The following COPS2 variants were observed in gnomAD, a reference collection of about 807,000 sequenced individuals.
The protein encoded by COPS2 is COP9 signalosome complex subunit 2.
In COPS2, 10 loss-of-function variants were observed where a neutral mutation model predicts 66.1. The ratio of observed to expected loss-of-function variants is 0.15; its 90% CI spans 0.09 to 0.26. The LOEUF is 0.26. COPS2 is among the 10% of genes least tolerant of loss of function. The pLI, the probability that COPS2 is intolerant of heterozygous loss-of-function variation, is 1.00. For missense variants in COPS2, 215 were observed against 513.3 expected, an observed-to-expected ratio of 0.42 and a Z score of 5.62; for synonymous variants, 179 against 171.3, an observed-to-expected ratio of 1.04 and a Z score of -0.35.
At chr15:49,151,470 T>C (rs1024277286) in intron 1 of COPS2, among the ~76,000 whole-genome samples, 9 of 152,092 alleles carry the variant, frequency 5.9e-5, no homozygotes, top group African/African-American at 2.2e-4. Context: ...AAAGACTAAT[T>C]TTTGGAATAA....
intron 3 of COPS2, among the ~76,000 whole-genome samples, chr15:49,142,944 G>A (rs1359381942): frequency 6.6e-6 from 1 of 151,994 alleles, no homozygotes; most frequent in Non-Finnish European, 1.5e-5. Flanking sequence ...GGGGTGAAGA[G>A]GAGCAATAAA....
At chr15:49,151,820 T>TA (rs1441680201) in intron 1 of COPS2, among the ~76,000 whole-genome samples, 1 of 151,436 alleles carries the variant, frequency 6.6e-6, no homozygotes, top group East Asian at 1.9e-4. Context: ...TTTTTTTTTT[T>TA]AAATAACAAG....
Position 49,134,228 on chromosome 15 carries a change from C to T in COPS2, c.715+112G>A, listed in dbSNP as rs1389543699. On this transcript the variant is annotated intron_variant, in intron 7 of 12. Coordinates refer to ENST00000388901, the MANE Select transcript of COPS2 (RefSeq NM_004236.4). ...GCCTTTCAGTTTTTAAATTCTGTAA[C>T]TTGAATACTACTGGCCCCAAGGTAT... 29 of 1,398,116 alleles carry T rather than the reference C, an allele frequency of 2.1e-5. No homozygotes were observed. In the South Asian group the frequency reaches 3.9e-4, roughly 19 times the overall value. 86.6% of individuals were successfully genotyped at this position (1,398,116 alleles called of 1,614,324 possible). A position where few individuals can be genotyped will look rare whatever the true frequency, so the allele number is the denominator to read the frequency against.
chr15:49,148,421 G>C (rs1410384253), intron 1 of COPS2, among the ~76,000 whole-genome samples: 1 of 152,188 alleles, frequency 6.6e-6, no homozygotes, highest in Admixed American at 6.5e-5. Context: ...AGGTATAAAA[G>C]TATGAATAGG....
intron 4 of COPS2, 82 bp from the exon 5 acceptor site, chr15:49,137,519 T>C: frequency 1.0e-6 from 1 of 1,001,180 alleles, no homozygotes; most frequent in Non-Finnish European, 1.6e-6. Flanking sequence ...AAACTAAAAG[T>C]GCATCTTTGA....
chr15:49,129,947 A>G (rs2084196519), intron 10 of COPS2, among the ~76,000 whole-genome samples: 1 of 152,120 alleles, frequency 6.6e-6, no homozygotes, highest in African/African-American at 2.4e-5. Context: ...TGCTTTTACA[A>G]TTTCCTCCAG....
At chr15:49,143,782 C>T (rs2084303446) in intron 3 of COPS2, among the ~76,000 whole-genome samples, 2 of 152,024 alleles carry the variant, frequency 1.3e-5, no homozygotes, top group African/African-American at 2.4e-5. Flanking sequence ...GTCAGGAGAT[C>T]GAGACCATCC....
At chr15:49,154,431 C>T (rs148509115) in intron 1 of COPS2, among the ~76,000 whole-genome samples, 172 of 152,174 alleles carry the variant, frequency 1.1e-3, no homozygotes, top group African/African-American at 3.9e-3. Flanking sequence ...CAAAGTGTGC[C>T]TTATTTTAAA....
chr15:49,133,981 G>A lies in COPS2; in HGVS notation c.843C>T (p.Val281=), dbSNP rs144520332. Residue 281 remains valine, a synonymous_variant, in exon 8 of 13, where the codon GTC becomes GTT. Coordinates refer to ENST00000388901, the MANE Select transcript of COPS2 (RefSeq NM_004236.4). ...PRRTTCLKYL[V]LANMLMKSGI... The stretch of plus-strand genomic sequence containing the variant: ...CCGATTTCATAAGCATATTTGCTAA[G>A]ACCAAATATTTTAAGCAAGTGGTTC... 8.1e-6 allele frequency: 13 copies of A among 1,613,584 alleles called. No individual in the cohort carries two copies. Among genetic ancestry groups the A allele is most frequent in the Non-Finnish European group, 7.6e-6 (9 of 1,179,732 alleles).
At chr15:49,150,118 T>C (rs1321231795) in intron 1 of COPS2, among the ~76,000 whole-genome samples, 5 of 151,604 alleles carry the variant, frequency 3.3e-5, no homozygotes, top group Non-Finnish European at 7.4e-5. Flanking sequence ...AGAAACCCTG[T>C]CTCTACTAAA....
chr15:49,145,266 A>C (rs2084313578), intron 1 of COPS2, among the ~76,000 whole-genome samples, 188 bp from the exon 2 acceptor site: 1 of 152,332 alleles, frequency 6.6e-6, no homozygotes, highest in East Asian at 1.9e-4. Flanking sequence ...AGAGAGGAGG[A>C]AGGAGGAGTC....
chr15:49,150,543 C>CA (rs1291188554), intron 1 of COPS2, among the ~76,000 whole-genome samples: 1 of 151,902 alleles, frequency 6.6e-6, no homozygotes, highest in Non-Finnish European at 1.5e-5. Flanking sequence ...CCACTGCACA[C>CA]AAAAAAATAG....
intron 8 of COPS2, 57 bp from the exon 9 acceptor site, chr15:49,133,868 A>G: frequency 6.5e-7 from 1 of 1,547,430 alleles, no homozygotes; most frequent in Non-Finnish European, 8.7e-7. Context: ...CATTTTAAAA[A>G]AAGAAATAAC....
chr15:49,143,316 G>C (rs1031317441), intron 3 of COPS2, among the ~76,000 whole-genome samples: 1 of 152,194 alleles, frequency 6.6e-6, no homozygotes, highest in African/African-American at 2.4e-5. Context: ...GGGACCACTA[G>C]AAGATATGGA....
intron 1 of COPS2, 146 bp downstream of exon 1, chr15:49,155,379 G>C (rs1157685909): frequency 1.2e-5 from 8 of 693,526 alleles, no homozygotes; most frequent in East Asian, 2.8e-5. Context: ...GTGCGGGAAC[G>C]GGGAGGAGGT....
intron 1 of COPS2, among the ~76,000 whole-genome samples, chr15:49,145,562 A>G (rs1269813118): frequency 2.0e-5 from 3 of 152,180 alleles, no homozygotes; most frequent in African/African-American, 7.2e-5. Context: ...CACATGGCAA[A>G]GTCATCTAGC....
chr15:49,131,418 C>CTAGT (rs898348472), intron 9 of COPS2, among the ~76,000 whole-genome samples: 1 of 151,246 alleles, frequency 6.6e-6, no homozygotes, highest in Non-Finnish European at 1.5e-5. Flanking sequence ...TCTGAGGTAT[C>CTAGT]TAGTATCTCC....
intron 4 of COPS2, among the ~76,000 whole-genome samples, chr15:49,138,743 T>C (rs1387439939): frequency 6.6e-6 from 1 of 152,122 alleles, no homozygotes; most frequent in Non-Finnish European, 1.5e-5. Context: ...AGACATTAAA[T>C]GAGGCTGATT....
chr15:49,135,560 A>C (rs1452959363), intron 6 of COPS2, among the ~76,000 whole-genome samples: 1 of 152,178 alleles, frequency 6.6e-6, no homozygotes, highest in Non-Finnish European at 1.5e-5. Flanking sequence ...CAGGAATCAC[A>C]AAAAAGTGCT....
Sources: gnomAD v4.1 joint callset for allele counts (sites outside exome capture counted in the v4.1 genomes callset) on GRCh38, gnomAD v4.1.1 for gene constraint, MANE v1.5 for transcripts, NCBI Gene and HGNC (gene_info 2026-07-23, HGNC 2026-07-21) for gene names.